TMEM132D: variants seen among roughly 807,000 people sequenced by gnomAD.
The protein encoded by TMEM132D is transmembrane protein 132D, also known as mature OL transmembrane protein.
A neutral mutation model predicts 62.3 loss-of-function variants in TMEM132D; 21 were observed. That is an observed-to-expected ratio of 0.34 (90% CI 0.24 to 0.49). TMEM132D has a LOEUF of 0.49. Among genes scored for constraint, TMEM132D ranks in the 20% least tolerant of loss-of-function variants. TMEM132D has a pLI of 0.99. For missense variants in TMEM132D, 1,346 were observed against 1,402.8 expected (o/e 0.96, Z 0.65); for synonymous variants, 621 against 575.6 (o/e 1.08, Z -1.13).
intron 4 of TMEM132D, among the ~76,000 whole-genome samples, chr12:129,327,909 A>T (rs1295396727): frequency 6.6e-6 from 1 of 152,208 alleles, no homozygotes; most frequent in Admixed American, 6.5e-5. Flanking sequence ...GGTCTCTAGT[A>T]CCCAGCTCCC....
At chr12:129,156,963 G>T (rs1161596894) in intron 5 of TMEM132D, among the ~76,000 whole-genome samples, 1 of 152,074 alleles carries the variant, frequency 6.6e-6, no homozygotes, top group Non-Finnish European at 1.5e-5. Context: ...CCACTCCTAT[G>T]ATAACGAGCC....
At chr12:129,638,313 C>A (rs530780000) in intron 2 of TMEM132D, among the ~76,000 whole-genome samples, 3 of 152,226 alleles carry the variant, frequency 2.0e-5, no homozygotes, top group African/African-American at 7.2e-5. Context: ...CACCTCCAAC[C>A]TTTACCCCCA....
chr12:129,254,222 CCAGAG>C (rs1434287913), intron 4 of TMEM132D, among the ~76,000 whole-genome samples: 1 of 152,070 alleles, frequency 6.6e-6, no homozygotes, highest in Non-Finnish European at 1.5e-5. Context: ...TGTAGTGTTC[CCAGAG>C]CAAAGAAAAC....
chr12:129,470,515 C>T (rs749445598), intron 3 of TMEM132D, among the ~76,000 whole-genome samples: 1 of 152,134 alleles, frequency 6.6e-6, no homozygotes, highest in Non-Finnish European at 1.5e-5. Context: ...CCTGGTGATT[C>T]TCTGTGATGG....
intron 4 of TMEM132D, among the ~76,000 whole-genome samples, chr12:129,248,574 T>C (rs954477669): frequency 1.3e-5 from 2 of 152,080 alleles, no homozygotes; most frequent in Non-Finnish European, 1.5e-5. Context: ...TTTTAACTTT[T>C]AAGTTCAGGG....
chr12:129,354,645 G>A (rs1869980494), intron 3 of TMEM132D, among the ~76,000 whole-genome samples: 1 of 151,918 alleles, frequency 6.6e-6, no homozygotes, highest in African/African-American at 2.4e-5. Flanking sequence ...TTTTTAATGT[G>A]CCAAACACTG....
chr12:129,085,600 A>T (rs547770025), intron 5 of TMEM132D: 1 of 152,220 alleles, frequency 6.6e-6, no homozygotes, highest in Non-Finnish European at 1.5e-5. Flanking sequence ...GAATCCAAAC[A>T]TGCGGATTCC....
chr12:129,747,944 C>T (rs1328955826), intron 1 of TMEM132D, among the ~76,000 whole-genome samples: 2 of 152,194 alleles, frequency 1.3e-5, no homozygotes, highest in Admixed American at 6.5e-5. Context: ...CTCATCACCG[C>T]GGACAGGCGA....
chr12:129,480,661 G>A (rs544051550), intron 3 of TMEM132D, among the ~76,000 whole-genome samples: 26 of 152,302 alleles, frequency 1.7e-4, no homozygotes, highest in Non-Finnish European at 3.8e-4. Context: ...GGGACGGTTG[G>A]AGGATGACAG....
intron 4 of TMEM132D, among the ~76,000 whole-genome samples, chr12:129,227,198 A>C (rs2135576459): frequency 6.6e-6 from 1 of 150,816 alleles, no homozygotes; most frequent in African/African-American, 2.4e-5. Context: ...CCAAATATGG[A>C]TTTTTATTTA....
intron 4 of TMEM132D, among the ~76,000 whole-genome samples, chr12:129,301,881 A>G (rs112420272): frequency 0.01 from 1,577 of 152,090 alleles, 28 homozygotes; most frequent in African/African-American, 0.036. Context: ...ACCATATTCT[A>G]TTGTCTCAGG....
chr12:129,554,928 T>C (rs1157459059), intron 2 of TMEM132D, among the ~76,000 whole-genome samples: 1 of 152,160 alleles, frequency 6.6e-6, no homozygotes, highest in African/African-American at 2.4e-5. Context: ...TCCCTGTTTT[T>C]CATGGAGTTC....
At chr12:129,330,580 G>A (rs1046300159) in intron 4 of TMEM132D, among the ~76,000 whole-genome samples, 2 of 152,214 alleles carry the variant, frequency 1.3e-5, no homozygotes, top group African/African-American at 2.4e-5. Flanking sequence ...TATCATGGGA[G>A]TGAGACTGGT....
chr12:129,566,119 A>T (rs1242889503), intron 2 of TMEM132D, among the ~76,000 whole-genome samples: 2 of 152,210 alleles, frequency 1.3e-5, no homozygotes, highest in African/African-American at 4.8e-5. Context: ...CACTGAAAAG[A>T]ATGACTAAGA....
Position 129,707,861 on chromosome 12 carries a change from A to G in TMEM132D, c.80-7163T>C, listed in dbSNP as rs531326606. Among the ~76,000 whole-genome samples, 14 of 152,244 alleles carry G rather than the reference A, an allele frequency of 9.2e-5. 1 individual carries two copies. The South Asian group carries it at 2.7e-3, about 29-fold the overall frequency. On this transcript the variant is annotated intron_variant, in intron 1 of 8. Coordinates refer to ENST00000422113, the MANE Select transcript of TMEM132D (RefSeq NM_133448.3). ...TGAGGCTGGCATTGGAGTGAGGGGG[A>G]CTGATTAAATATCAAGAAAAAAATA...
At chr12:129,436,347 C>A (rs186680847) in intron 3 of TMEM132D, among the ~76,000 whole-genome samples, 7 of 152,006 alleles carry the variant, frequency 4.6e-5, no homozygotes, top group Non-Finnish European at 1.0e-4. Flanking sequence ...TCATAGCTAC[C>A]GCATGCATCA....
intron 1 of TMEM132D, among the ~76,000 whole-genome samples, chr12:129,733,880 A>G (rs1002360014): frequency 1.3e-5 from 2 of 152,208 alleles, no homozygotes; most frequent in Non-Finnish European, 2.9e-5. Flanking sequence ...CGCATGAGGC[A>G]TGCTCCCCAC....
chr12:129,561,693 T>C (rs1415570743), intron 2 of TMEM132D, among the ~76,000 whole-genome samples: 1 of 152,228 alleles, frequency 6.6e-6, no homozygotes, highest in Non-Finnish European at 1.5e-5. Context: ...AAGATTAAAA[T>C]TAAATCAATT....
intron 3 of TMEM132D, among the ~76,000 whole-genome samples, chr12:129,456,394 T>C (rs1873468092): frequency 6.6e-6 from 1 of 152,148 alleles, no homozygotes; most frequent in Non-Finnish European, 1.5e-5. Flanking sequence ...AAGTTGAGTC[T>C]CTAGTTCTCC....
Sources: gnomAD v4.1 joint callset for allele counts (sites outside exome capture counted in the v4.1 genomes callset) on GRCh38, gnomAD v4.1.1 for gene constraint, MANE v1.5 for transcripts, NCBI Gene and HGNC (gene_info 2026-07-23, HGNC 2026-07-21) for gene names.